MRTFA: variants seen among roughly 807,000 people sequenced by gnomAD.
MRTFA encodes myocardin related transcription factor A.
MRTFA carries 20 observed loss-of-function variants against 83.5 expected under a neutral mutation model. The ratio of observed to expected loss-of-function variants is 0.24; its 90% CI spans 0.17 to 0.35. The LOEUF is 0.35. Among genes scored for constraint, MRTFA ranks in the 10% least tolerant of loss-of-function variants. The pLI, the probability that MRTFA is intolerant of heterozygous loss-of-function variation, is 1.00. For synonymous variants in MRTFA, 659 were observed against 541.2 expected (o/e 1.22, Z -3.02); for missense variants, 1,200 against 1,224.7 (o/e 0.98, Z 0.30).
intron 14 of MRTFA, chr22:40,415,142 C>A (rs78445741): frequency 0.037 from 5,638 of 152,474 alleles, 138 homozygotes; most frequent in Non-Finnish European, 0.061. Context: ...TCTCTGCCAT[C>A]CCTTAGAAGC....
intron 1 of MRTFA, among the ~76,000 whole-genome samples, chr22:40,611,818 A>G (rs1407412311): frequency 6.6e-6 from 1 of 152,214 alleles, no homozygotes; most frequent in Non-Finnish European, 1.5e-5. Flanking sequence ...ACTAACTACA[A>G]GACCAAGAAG....
At chr22:40,420,055 G>C (rs1268457808) in intron 11 of MRTFA, among the ~76,000 whole-genome samples, 1 of 152,238 alleles carries the variant, frequency 6.6e-6, no homozygotes, top group East Asian at 1.9e-4. Context: ...CACTGCCTCA[G>C]CCTGACCATC....
In MRTFA at chr22:40,494,774, C is replaced by G. The variant is rs149194246; in HGVS notation, c.242-31488G>C. ...TAAACTATTGTTACAGGAAACAACA[C>G]TGATGAACCTCAAAAGCACTATTAT... On this transcript the variant is annotated intron_variant, in intron 3 of 14. Transcript: ENST00000355630. Among the ~76,000 whole-genome samples, 173 of 151,958 alleles carry G rather than the reference C, an allele frequency of 1.1e-3. 1 individual carries two copies. Among genetic ancestry groups the G allele is most frequent in the Non-Finnish European group, 1.7e-3 (118 of 68,002 alleles).
chr22:40,595,296 GT>G (rs1206217996), intron 1 of MRTFA, among the ~76,000 whole-genome samples: 1 of 150,632 alleles, frequency 6.6e-6, no homozygotes, highest in African/African-American at 2.4e-5. Context: ...ATTTTTTTTT[GT>G]ATTTTAGTGG....
chr22:40,603,933 G>A (rs992775928), intron 1 of MRTFA, among the ~76,000 whole-genome samples: 2 of 151,754 alleles, frequency 1.3e-5, no homozygotes, highest in South Asian at 2.1e-4. Context: ...GTTGAAACTG[G>A]GTGACAGGCC....
At chr22:40,570,454 TG>T (rs2055772162) in intron 2 of MRTFA, among the ~76,000 whole-genome samples, 1 of 151,602 alleles carries the variant, frequency 6.6e-6, no homozygotes, top group South Asian at 2.1e-4. Flanking sequence ...GGCAAGCACC[TG>T]TAGTCCCAGC....
chr22:40,531,986 C>A (rs2055089705), intron 3 of MRTFA, among the ~76,000 whole-genome samples: 1 of 152,182 alleles, frequency 6.6e-6, no homozygotes, highest in Non-Finnish European at 1.5e-5. Context: ...AGTCCACATA[C>A]ACGCTACAGC....
chr22:40,420,706 G>T, intron 10 of MRTFA, 130 bp from the exon 11 acceptor site: 1 of 1,529,402 alleles, frequency 6.5e-7, no homozygotes, highest in Non-Finnish European at 8.8e-7. Flanking sequence ...GGCTAGGGTG[G>T]CCCTGCCTGC....
intron 3 of MRTFA, among the ~76,000 whole-genome samples, chr22:40,537,068 G>GA (rs1383892434): frequency 1.8e-5 from 1 of 57,086 alleles, no homozygotes; most frequent in African/African-American, 7.3e-5. Context: ...GGAGGTGGGG[G>GA]GTCAGTCCCC....
chr22:40,502,025 G>A (rs1316744852), intron 3 of MRTFA, among the ~76,000 whole-genome samples: 1 of 138,426 alleles, frequency 7.2e-6, no homozygotes, highest in Non-Finnish European at 1.6e-5. Flanking sequence ...CTGGCCAGGC[G>A]GGGGGCTGAC....
chr22:40,548,175 A>G (rs542562280), intron 3 of MRTFA, among the ~76,000 whole-genome samples: 198 of 151,980 alleles, frequency 1.3e-3, no homozygotes, highest in Non-Finnish European at 2.2e-3. Flanking sequence ...CCTGGCCAAC[A>G]TGGTGAAATC....
At chr22:40,533,670 T>A in intron 3 of MRTFA, 2 of 1,205,204 alleles carry the variant, frequency 1.7e-6, no homozygotes, top group Non-Finnish European at 2.1e-6. Context: ...TCCACAAATA[T>A]AATGAAGAAA....
At chr22:40,518,946 G>GTC (rs2054811053) in intron 3 of MRTFA, among the ~76,000 whole-genome samples, 1 of 150,680 alleles carries the variant, frequency 6.6e-6, no homozygotes, top group African/African-American at 2.4e-5. Flanking sequence ...CTAGACATAT[G>GTC]TCTCTTTTAT....
chr22:40,611,719 T>C (rs1039718503), intron 1 of MRTFA, among the ~76,000 whole-genome samples: 5 of 152,204 alleles, frequency 3.3e-5, no homozygotes, highest in African/African-American at 1.2e-4. Context: ...AAGTTCTGTT[T>C]GAAGAAAAAC....
intron 1 of MRTFA, among the ~76,000 whole-genome samples, chr22:40,608,590 AC>A (rs1249128893): frequency 6.6e-6 from 1 of 152,190 alleles, no homozygotes; most frequent in Non-Finnish European, 1.5e-5. Flanking sequence ...AAATGAGGAA[AC>A]CAGGACTCAA....
intron 3 of MRTFA, among the ~76,000 whole-genome samples, chr22:40,534,681 T>C (rs1055632764): frequency 2.6e-4 from 39 of 152,316 alleles, no homozygotes; most frequent in East Asian, 3.9e-4. Flanking sequence ...ACAGCACCTT[T>C]CATTAACTGA....
chr22:40,493,378 A>G (rs893443169), intron 3 of MRTFA, among the ~76,000 whole-genome samples: 4 of 152,214 alleles, frequency 2.6e-5, no homozygotes, highest in African/African-American at 9.7e-5. Context: ...AATCTGTTCC[A>G]CTAGGAAACT....
chr22:40,617,102 C>T (rs779334762), intron 1 of MRTFA, among the ~76,000 whole-genome samples: 1 of 147,798 alleles, frequency 6.8e-6, no homozygotes, highest in Non-Finnish European at 1.5e-5. Flanking sequence ...GCCTCTACCC[C>T]AGAAAAGAAA....
chr22:40,551,611 T>G (rs1310146453), intron 3 of MRTFA, among the ~76,000 whole-genome samples: 1 of 152,138 alleles, frequency 6.6e-6, no homozygotes, highest in African/African-American at 2.4e-5. Flanking sequence ...TGAGGTGATC[T>G]GTGCACCTCG....
Sources: allele counts gnomAD v4.1 joint callset (sites outside exome capture counted in the v4.1 genomes callset), GRCh38; gene constraint gnomAD v4.1.1; transcripts MANE v1.5; gene names NCBI Gene and HGNC (gene_info 2026-07-23, HGNC 2026-07-21).